DNAH9: variants seen among roughly 807,000 people sequenced by gnomAD.
The protein encoded by DNAH9 is dynein axonemal heavy chain 9.
Under a neutral mutation model 471.6 loss-of-function variants are expected in DNAH9, and 345 were observed. The observed-to-expected ratio is 0.73, with a 90% confidence interval of 0.67 to 0.80. The LOEUF is 0.80. Ranked by LOEUF, DNAH9 falls within the 30% of genes least tolerant of loss-of-function variation. DNAH9 has a pLI of 0.00. For synonymous variants in DNAH9, 2,093 were observed against 2,123.6 expected (o/e 0.99, Z 0.40); for missense variants, 5,407 against 5,609.2 (o/e 0.96, Z 1.15).
intron 58 of DNAH9, among the ~76,000 whole-genome samples, chr17:11,893,195 A>AAAAAAAT (rs1567881022): frequency 2.7e-5 from 4 of 150,648 alleles, no homozygotes; most frequent in African/African-American, 7.3e-5. Context: ...AAAAAAAAAA[A>AAAAAAAT]TGTGGGCCCC....
chr17:11,782,572 TCTC>T (rs1968710730), intron 39 of DNAH9, among the ~76,000 whole-genome samples: 1 of 152,106 alleles, frequency 6.6e-6, no homozygotes, highest in Admixed American at 6.5e-5. Context: ...TCGGTCCCCA[TCTC>T]CTCATTAGCT....
chr17:11,781,991 GA>G (rs35521342), intron 39 of DNAH9, among the ~76,000 whole-genome samples: 16,426 of 141,076 alleles, frequency 0.12, 980 homozygotes, highest in African/African-American at 0.17. Flanking sequence ...AACTTACTAG[GA>G]AAAAAAAAAA....
intron 14 of DNAH9, among the ~76,000 whole-genome samples, chr17:11,660,629 A>G (rs1181609104): frequency 2.0e-5 from 3 of 152,164 alleles, no homozygotes. Context: ...AGCTCTTGTT[A>G]TAACTTATTT....
At chr17:11,687,890 C>T (rs1216931103) in intron 19 of DNAH9, among the ~76,000 whole-genome samples, 8 of 151,780 alleles carry the variant, frequency 5.3e-5, no homozygotes, top group Non-Finnish European at 1.2e-4. Context: ...GGTCCCAGCA[C>T]TTTGGGAGGC....
chr17:11,953,288 A>G (rs894121209), intron 67 of DNAH9, among the ~76,000 whole-genome samples: 17 of 152,070 alleles, frequency 1.1e-4, no homozygotes, highest in Admixed American at 6.6e-5. Flanking sequence ...ACCCAGACTC[A>G]GTGGTTCTAC....
At chr17:11,764,548 C>T (rs1967850818) in intron 36 of DNAH9, among the ~76,000 whole-genome samples, 1 of 152,176 alleles carries the variant, frequency 6.6e-6, no homozygotes, top group South Asian at 2.1e-4. Flanking sequence ...CAGCCACTGG[C>T]AACCTCAATT....
intron 67 of DNAH9, among the ~76,000 whole-genome samples, chr17:11,958,828 G>A (rs1975824461): frequency 6.6e-6 from 1 of 152,022 alleles, no homozygotes; most frequent in Non-Finnish European, 1.5e-5. Context: ...AATACGTTAT[G>A]AGCAAATGAC....
intron 45 of DNAH9, among the ~76,000 whole-genome samples, chr17:11,812,905 A>G (rs1361933587): frequency 6.6e-6 from 1 of 152,116 alleles, no homozygotes; most frequent in Non-Finnish European, 1.5e-5. Context: ...TCCTACCCCA[A>G]AGCTACCCTA....
intron 48 of DNAH9, among the ~76,000 whole-genome samples, chr17:11,823,545 C>A (rs998852782): frequency 6.6e-6 from 1 of 152,170 alleles, no homozygotes; most frequent in African/African-American, 2.4e-5. Context: ...TGTCAAAGAG[C>A]CATTGGAACC....
chr17:11,699,904 C>T lies in DNAH9; in HGVS notation c.5025+21C>T, dbSNP rs373854899. ...GGCAGGTAACACAGTAGCCCTTTCC[C>T]CTCCTTCTGCTTTTCTCTCTCAAAT... On this transcript the variant is annotated intron_variant, in intron 23 of 68. Transcript: ENST00000262442. 5 of 1,612,560 alleles carry T rather than the reference C, an allele frequency of 3.1e-6. No homozygotes were observed. The African/African-American group carries it at 6.7e-5, about 22-fold the overall frequency.
chr17:11,684,246 G>GA (rs60990497), intron 19 of DNAH9, among the ~76,000 whole-genome samples: 4 of 151,900 alleles, frequency 2.6e-5, no homozygotes, highest in South Asian at 2.1e-4. Context: ...TTTGAGGAGA[G>GA]AAAAAAAACC....
chr17:11,961,782 C>A (rs1248790841), intron 67 of DNAH9, 85 bp from the exon 68 acceptor site: 3 of 1,466,184 alleles, frequency 2.0e-6, no homozygotes, highest in South Asian at 2.7e-5. Flanking sequence ...TGCCTGGGTG[C>A]CATGAGCCAG....
In DNAH9 at chr17:11,752,899, T is replaced by C; in HGVS notation, c.6677T>C (p.Leu2226Pro). The C allele has an allele frequency of 6.2e-7, 1 of 1,609,836 alleles. No homozygotes were observed. The highest frequency in any genetic ancestry group is 8.5e-7 in the Non-Finnish European group (1 of 1,177,690). The change falls in exon 33 of 69, where the codon CTG becomes CCG. Residue 2226 changes from leucine to proline, a missense_variant. Around this residue, in one of 3 missense-constraint regions of DNAH9, gnomAD observed 4,636 missense variants for 4,900.3 expected, o/e 0.95. Transcript: ENST00000262442. ...CATGATGGGCCCAAGTGGATTTTAC[T>C]GGATGGCGACATAGATCCAATGTGG... ...ITHDGPKWIL[L>P]DGDIDPMWIE...
intron 19 of DNAH9, 143 bp from the exon 20 acceptor site, chr17:11,689,423 T>G: frequency 1.4e-6 from 1 of 720,564 alleles, no homozygotes; most frequent in Non-Finnish European, 2.3e-6. Context: ...TTTGCTTTCG[T>G]GAAAAGAATG....
chr17:11,787,054 A>G (rs1006008203), intron 41 of DNAH9, among the ~76,000 whole-genome samples: 5 of 152,216 alleles, frequency 3.3e-5, no homozygotes, highest in Non-Finnish European at 7.3e-5. Flanking sequence ...TGTGAAAAGA[A>G]AAACCTTAGC....
At chr17:11,760,868 C>T (rs1051329797) in intron 35 of DNAH9, among the ~76,000 whole-genome samples, 2 of 152,196 alleles carry the variant, frequency 1.3e-5, no homozygotes, top group East Asian at 1.9e-4. Context: ...GCTGCAGCTC[C>T]GCGATGCTCC....
chr17:11,793,286 A>G (rs1040513246), intron 41 of DNAH9, among the ~76,000 whole-genome samples: 1 of 152,168 alleles, frequency 6.6e-6, no homozygotes, highest in Non-Finnish European at 1.5e-5. Context: ...TGGTTGTGCA[A>G]GTATTTGAGG....
At chr17:11,898,041 T>C (rs568588386) in intron 59 of DNAH9, among the ~76,000 whole-genome samples, 2 of 152,342 alleles carry the variant, frequency 1.3e-5, no homozygotes, top group African/African-American at 4.8e-5. Context: ...CTCCAGGGTC[T>C]GTCTCCATCT....
intron 28 of DNAH9, among the ~76,000 whole-genome samples, chr17:11,737,102 C>T (rs117063751): frequency 0.079 from 11,978 of 152,286 alleles, 614 homozygotes; most frequent in Non-Finnish European, 0.11. Flanking sequence ...GTTTGGCCAG[C>T]GTCCTGGCTG....
Sources: gnomAD v4.1 joint callset for allele counts (sites outside exome capture counted in the v4.1 genomes callset) on GRCh38, gnomAD v4.1.1 for gene constraint, gnomAD v4.1.1 regional missense constraint, MANE v1.5 for transcripts, NCBI Gene and HGNC (gene_info 2026-07-23, HGNC 2026-07-21) for gene names.